The following RASA3 variants were observed in gnomAD, a reference collection of about 807,000 sequenced individuals.
RASA3 encodes RAS p21 protein activator 3, also known as ras GTPase-activating protein 3.
A neutral mutation model predicts 110.0 loss-of-function variants in RASA3; 73 were observed. That is an observed-to-expected ratio of 0.66 (90% CI 0.55 to 0.81). The LOEUF is 0.81. Ranked by LOEUF, RASA3 falls within the 30% of genes least tolerant of loss-of-function variation. The probability of loss-of-function intolerance (pLI) is 0.00; values close to 1 mark genes in which losing one functional copy is unlikely to be tolerated. For missense variants in RASA3, 976 were observed against 1,113.2 expected (o/e 0.88, Z 1.75); for synonymous variants, 500 against 451.4 (o/e 1.11, Z -1.37).
intron 4 of RASA3, among the ~76,000 whole-genome samples, chr13:114,033,782 A>G (rs571479059): frequency 6.6e-6 from 1 of 152,128 alleles, no homozygotes; most frequent in Non-Finnish European, 1.5e-5. Context: ...CTGTCCTGAG[A>G]CTCTGGGGTC....
intron 12 of RASA3, among the ~76,000 whole-genome samples, chr13:114,017,021 T>C (rs759616293): frequency 6.6e-6 from 1 of 152,202 alleles, no homozygotes; most frequent in Admixed American, 6.5e-5. Flanking sequence ...GATTTTCTTA[T>C]GTATAGTTTT....
At position 114,065,957 on chromosome 13, in the gene RASA3, C is replaced by T. The variant is rs938659060; in HGVS notation, c.173+7763G>A. Among the ~76,000 whole-genome samples the T allele has an allele frequency of 5.9e-5, 9 of 152,160 alleles. No individual in the cohort carries two copies. The highest frequency in any genetic ancestry group is 1.9e-4 in the African/African-American group (8 of 41,416). On this transcript the variant is annotated intron_variant, in intron 2 of 23. Coordinates refer to ENST00000334062, the MANE Select transcript of RASA3 (RefSeq NM_007368.4). The surrounding 1 kb of genome is among the most constrained non-coding windows in gnomAD (Gnocchi z 4.1). ...GCTGGGCTGAGACTCACAGCTGCAGCGGCCGTGGTGAGCCACCTCACCTCC... is the reference window on the plus strand; with the variant it reads ...GCTGGGCTGAGACTCACAGCTGCAGTGGCCGTGGTGAGCCACCTCACCTCC...
intron 1 of RASA3, among the ~76,000 whole-genome samples, chr13:114,093,673 ACT>A (rs1370165460): frequency 1.3e-5 from 2 of 149,978 alleles, no homozygotes; most frequent in African/African-American, 4.9e-5. Flanking sequence ...TCCCTTTTTA[ACT>A]CTGATAGCTT....
chr13:114,044,843 C>T (rs1008541308), intron 3 of RASA3, among the ~76,000 whole-genome samples: 2 of 152,122 alleles, frequency 1.3e-5, no homozygotes, highest in South Asian at 2.1e-4. Context: ...GTCACTGTGT[C>T]TTCACATTTT....
intron 22 of RASA3, among the ~76,000 whole-genome samples, chr13:113,990,636 A>T (rs1045013205): frequency 2.0e-5 from 3 of 152,198 alleles, no homozygotes; most frequent in Admixed American, 2.0e-4. Flanking sequence ...AGACCCAGGG[A>T]CAGCACCTCG....
intron 4 of RASA3, among the ~76,000 whole-genome samples, chr13:114,033,147 A>G (rs1283321076): frequency 1.2e-3 from 35 of 29,072 alleles, no homozygotes; most frequent in African/African-American, 2.1e-3. Context: ...CTGACACCAC[A>G]CCCCACGGCA....
At chr13:113,991,004 G>A (rs1299721737) in intron 22 of RASA3, among the ~76,000 whole-genome samples, 1 of 138,502 alleles carries the variant, frequency 7.2e-6, no homozygotes, top group Non-Finnish European at 1.6e-5. Context: ...CAGGGCATGT[G>A]GGGCTGGAGA....
chr13:114,074,858 G>A (rs2079641214), intron 1 of RASA3, among the ~76,000 whole-genome samples: 1 of 152,272 alleles, frequency 6.6e-6, no homozygotes. Flanking sequence ...GAAGCTCGGA[G>A]CATGCCCCAG....
intron 2 of RASA3, among the ~76,000 whole-genome samples, chr13:114,072,364 G>C (rs570192350): frequency 9.2e-5 from 14 of 152,286 alleles, no homozygotes; most frequent in African/African-American, 1.7e-4. Context: ...TCAAGTTGAG[G>C]GGGAAACTTG....
At position 114,073,935 on chromosome 13, in the gene RASA3, C is replaced by A. The variant is rs1594426136; in HGVS notation, c.56-98G>T. 22 of 1,049,386 alleles carry A rather than the reference C, an allele frequency of 2.1e-5. No homozygotes were observed. In the East Asian group the frequency reaches 4.8e-4, roughly 23 times the overall value. 65.0% of individuals were successfully genotyped at this position (1,049,386 alleles called of 1,614,324 possible). A position where few individuals can be genotyped will look rare whatever the true frequency, so the allele number is the denominator to read the frequency against. On this transcript the variant is annotated intron_variant, in intron 1 of 23. Transcript: ENST00000334062. ...TCCAGCCTTTGCTTGTGTGCATTCA[C>A]TAGCTCTCTATAAAGCCTTGGTTTT...
rs1168556357 is a variant in RASA3, at chr13:114,011,173, A to T, written c.1588T>A (p.Ser530Thr). 6.2e-7 allele frequency: 1 copy of T among 1,609,124 alleles called. No individual in the cohort carries two copies. The highest frequency in any genetic ancestry group is 8.5e-7 in the Non-Finnish European group (1 of 1,176,310). The change falls in exon 16 of 24, where the codon TCT becomes ACT. Residue 530 changes from serine (S) to threonine (T), a missense_variant and splice_region_variant. Coordinates refer to ENST00000334062, the MANE Select transcript of RASA3 (RefSeq NM_007368.4). This position sits in a 1 kb window ranked among gnomAD's most constrained non-coding sequence, Gnocchi z 4.8. ...QTLGSLSKSK[S>T]ASFKESYMAT... ...GAAAATGAAGAAGAGGGACTCACAG[A>T]TTTGGACTTGGACAGGCTGCCGAGG...
chr13:114,030,203 C>A (rs2054121091), intron 4 of RASA3, among the ~76,000 whole-genome samples: 1 of 152,218 alleles, frequency 6.6e-6, no homozygotes, highest in Non-Finnish European at 1.5e-5. Context: ...TGAAGCAGAC[C>A]CCCAAAGGCT....
At chr13:114,045,215 ATTTCTCTGATGTGCCTAAT>A (rs1443496078) in intron 3 of RASA3, among the ~76,000 whole-genome samples, 1 of 152,182 alleles carries the variant, frequency 6.6e-6, no homozygotes, top group African/African-American at 2.4e-5. Context: ...GTCTACTTAA[ATTTCTCTGATGTGCCTAAT>A]CCACAGGGTT....
intron 14 of RASA3, 100 bp downstream of exon 14, chr13:114,015,109 T>A: frequency 6.7e-7 from 1 of 1,497,810 alleles, no homozygotes; most frequent in Non-Finnish European, 9.1e-7. Flanking sequence ...CCCGCAGTTC[T>A]AGTCTAGCCA....
At chr13:114,018,358 C>T (rs1566486237) in intron 10 of RASA3, 106 bp from the exon 11 acceptor site, 4 of 1,346,296 alleles carry the variant, frequency 3.0e-6, no homozygotes, top group Admixed American at 5.6e-5. Flanking sequence ...AGATACGGCT[C>T]TTTGCTGAGA....
intron 1 of RASA3, among the ~76,000 whole-genome samples, chr13:114,098,445 T>TG (rs1273421695): frequency 1.3e-5 from 2 of 151,226 alleles, no homozygotes; most frequent in African/African-American, 2.4e-5. Flanking sequence ...CACGAACAGG[T>TG]GAAAGTTCAG....
rs532796902 is a variant in RASA3 at position 114,056,764 on chromosome 13, A to G, written c.174-4609T>C. 38 of 782,550 alleles carry G rather than the reference A, an allele frequency of 4.9e-5. No homozygotes were observed. The highest frequency in any genetic ancestry group is 6.2e-5 in the Admixed American group (1 of 16,016). 48.5% of individuals were successfully genotyped at this position (782,550 alleles called of 1,614,324 possible). On this transcript the variant is annotated intron_variant, in intron 2 of 23. Transcript: ENST00000334062. The surrounding 1 kb of genome is among the most constrained non-coding windows in gnomAD (Gnocchi z 5.7). ...AGAGGAAGCTACAAGAAAACATACG[A>G]ACTCCATAAAATTATCACCACAGAC...
At chr13:114,043,837 G>GCCCCCCCCCCCCCCCCCCCCCCCCCCCCT (rs544129523) in intron 3 of RASA3, among the ~76,000 whole-genome samples, 3 of 22,826 alleles carry the variant, frequency 1.3e-4, no homozygotes, top group African/African-American at 6.9e-4. Context: ...CACTCGCTGA[G>GCCCCCCCCCCCCCCCCCCCCCCCCCCCCT]CCCCCCGCCC....
In RASA3 at chr13:113,984,286, GTCCATCCACCCATCACTCACCCTA is replaced by G. The variant is rs1397089047; in HGVS notation, c.2246-2452_2246-2429del. ...CCATCCACCCATCACTCATCCCTCG[GTCCATCCACCCATCACTCACCCTA>G]TCCATCCACCCATCACTCACCCATC... On this transcript the variant is annotated intron_variant, in intron 22 of 23. Transcript: ENST00000334062. Among the ~76,000 whole-genome samples the G allele has an allele frequency of 4.2e-5, 4 of 95,964 alleles. 1 individual carries two copies. Among genetic ancestry groups the G allele is most frequent in the South Asian group, 8.3e-4 (2 of 2,410 alleles). 63.0% of individuals were successfully genotyped at this position (95,964 alleles called of 152,430 possible).
Sources: gnomAD v4.1 joint callset for allele counts (sites outside exome capture counted in the v4.1 genomes callset) on GRCh38, gnomAD v4.1.1 for gene constraint, Gnocchi (gnomAD v3.1) non-coding constraint, MANE v1.5 for transcripts, NCBI Gene and HGNC (gene_info 2026-07-23, HGNC 2026-07-21) for gene names.